MAP3K13: variants seen among roughly 807,000 people sequenced by gnomAD.
The protein encoded by MAP3K13 is leucine zipper-bearing kinase.
A neutral mutation model predicts 104.0 loss-of-function variants in MAP3K13; 52 were observed. The ratio of observed to expected loss-of-function variants is 0.50; its 90% CI spans 0.40 to 0.63. The LOEUF is 0.63. MAP3K13 is among the 20% of genes least tolerant of loss of function. MAP3K13 has a pLI of 0.00. For missense variants in MAP3K13, 914 were observed against 1,218.5 expected, an observed-to-expected ratio of 0.75 and a Z score of 3.72; for synonymous variants, 394 against 442.2, an observed-to-expected ratio of 0.89 and a Z score of 1.37.
intron 1 of MAP3K13, among the ~76,000 whole-genome samples, chr3:185,408,634 A>C (rs1054463018): frequency 9.2e-5 from 14 of 152,198 alleles, no homozygotes; most frequent in Middle Eastern, 3.2e-3. Context: ...AGGGAGGTTT[A>C]GTATATCCTG....
chr3:185,394,871 A>G (rs4687299), intron 1 of MAP3K13, among the ~76,000 whole-genome samples: 106,715 of 151,898 alleles, frequency 0.7, 38,082 homozygotes, highest in Non-Finnish European at 0.77. Context: ...AAGTTATTTA[A>G]CCTCTCTGTA....
At chr3:185,458,088 G>A (rs1307433784) in intron 7 of MAP3K13, among the ~76,000 whole-genome samples, 2 of 152,108 alleles carry the variant, frequency 1.3e-5, no homozygotes, top group Non-Finnish European at 2.9e-5. Flanking sequence ...ATTATTCTTG[G>A]CTGGCCACAG....
chr3:185,305,262 T>C (rs1577408093), intron 2 of MAP3K13, among the ~76,000 whole-genome samples: 1 of 152,298 alleles, frequency 6.6e-6, no homozygotes, highest in South Asian at 2.1e-4. Context: ...CCTTTCTCAC[T>C]TTCTCTCGTG....
In MAP3K13 at chr3:185,480,499, C is replaced by A. The variant is rs368737907; in HGVS notation, c.2769C>A (p.Gly923=). The A allele has an allele frequency of 4.3e-6, 7 of 1,614,070 alleles. No homozygotes were observed. The African/African-American group carries it at 5.3e-5, about 12-fold the overall frequency. ...GTGTGAAGACTCAGATGTCTCTGGG[C>A]AAGCTGTGTGTGGAGGAACGTGGCT... is the stretch of plus-strand genomic sequence containing the variant. The part of the protein sequence containing the change: ...VRRVKTQMSL[G]KLCVEERGYE... The change falls in exon 13 of 14, where the codon GGC becomes GGA. Residue 923 remains glycine (G), a synonymous_variant. Coordinates refer to ENST00000265026, the MANE Select transcript of MAP3K13 (RefSeq NM_004721.5).
intron 2 of MAP3K13, chr3:185,291,592 GTGTTT>G (rs1720741610): frequency 3.3e-6 from 5 of 1,497,864 alleles, no homozygotes; most frequent in Non-Finnish European, 4.4e-6. Context: ...GAATTTTTTT[GTGTTT>G]TGTTTTGTTT....
chr3:185,418,307 C>A lies in MAP3K13; in HGVS notation c.-85-10190C>A. ...TCCTTGGTCTTCTTGTAGCCTTCAA[C>A]TTTATCTTCAAATACCAAAGGAAGT... On this transcript the variant is annotated intron_variant, in intron 1 of 13. Transcript: ENST00000265026. This position sits in a 1 kb window ranked among gnomAD's most constrained non-coding sequence, Gnocchi z 4.5. 6.3e-7 allele frequency: 1 copy of A among 1,583,486 alleles called. No homozygotes were observed. Among genetic ancestry groups the A allele is most frequent in the Non-Finnish European group, 8.7e-7 (1 of 1,153,948 alleles).
At chr3:185,454,649 T>A (rs1284607077) in intron 7 of MAP3K13, among the ~76,000 whole-genome samples, 1 of 93,342 alleles carries the variant, frequency 1.1e-5, no homozygotes, top group South Asian at 3.2e-4. Flanking sequence ...GATATATATA[T>A]GATATATATA....
intron 7 of MAP3K13, among the ~76,000 whole-genome samples, chr3:185,453,897 C>A (rs1293202354): frequency 1.6e-5 from 1 of 63,796 alleles, no homozygotes; most frequent in African/African-American, 5.4e-5. Flanking sequence ...ATATGTGATA[C>A]ATATATATGA....
At chr3:185,330,617 T>C (rs977634686) in intron 2 of MAP3K13, among the ~76,000 whole-genome samples, 2 of 152,094 alleles carry the variant, frequency 1.3e-5, no homozygotes, top group African/African-American at 4.8e-5. Context: ...GCAGGTAACA[T>C]TGTTACTAGG....
At position 185,466,896 on chromosome 3, in the gene MAP3K13, C is replaced by A. The variant is rs372997179; in HGVS notation, c.1576C>A (p.Pro526Thr). Residue 526 changes from proline to threonine, a missense_variant, in exon 10 of 14, where the codon CCC becomes ACC. This residue lies in a region of MAP3K13 where 583 missense variants were observed against 737.4 expected (regional missense o/e 0.79). Coordinates refer to ENST00000265026, the MANE Select transcript of MAP3K13 (RefSeq NM_004721.5). ...ACACCCTGTTCGTCCTATCATCCAT[C>A]CCAATGCCATGGAGAAACTCATGAA... ...KRHPVRPIIH[P>T]NAMEKLMKRK... 1.2e-6 allele frequency: 2 copies of A among 1,613,846 alleles called. No individual in the cohort carries two copies. The highest frequency in any genetic ancestry group is 1.7e-5 in the Admixed American group (1 of 59,998).
rs374398536 is a variant in MAP3K13, at chr3:185,473,413, G to A, written c.2082G>A (p.Ser694=). The stretch of plus-strand genomic sequence containing the variant: ...ATGCTCAGAGACAGCTGCCCGGCTC[G>A]AGCCCTGACCTCATCTCCACAGCCA... The part of the protein sequence containing the change: ...SNHAQRQLPG[S]SPDLISTAMA... Residue 694 remains serine (S), a synonymous_variant, in exon 11 of 14, where the codon TCG becomes TCA. Coordinates refer to ENST00000265026, the MANE Select transcript of MAP3K13 (RefSeq NM_004721.5). This position sits in a 1 kb window ranked among gnomAD's most constrained non-coding sequence, Gnocchi z 4.9. 15 of 1,614,048 alleles carry A rather than the reference G, an allele frequency of 9.3e-6. No individual in the cohort carries two copies. The highest frequency in any genetic ancestry group is 2.7e-5 in the African/African-American group (2 of 74,928).
At chr3:185,422,524 A>C (rs571166778) in intron 1 of MAP3K13, among the ~76,000 whole-genome samples, 1 of 152,348 alleles carries the variant, frequency 6.6e-6, no homozygotes, top group East Asian at 1.9e-4. Context: ...AGATAGGAAA[A>C]AAATTACAAA....
chr3:185,287,245 C>G (rs934039510), intron 2 of MAP3K13, among the ~76,000 whole-genome samples: 1 of 152,110 alleles, frequency 6.6e-6, no homozygotes, highest in Admixed American at 6.6e-5. Flanking sequence ...TGGCATAGTT[C>G]TGAACTTCAC....
intron 10 of MAP3K13, among the ~76,000 whole-genome samples, chr3:185,470,907 C>T (rs1344660967): frequency 6.6e-6 from 1 of 152,190 alleles, no homozygotes; most frequent in Non-Finnish European, 1.5e-5. Context: ...TTTAATTCAT[C>T]CCTAAAGAAC....
chr3:185,361,699 T>C (rs6804066), upstream of MAP3K13, among the ~76,000 whole-genome samples: 127,911 of 152,238 alleles, frequency 0.84, 54,398 homozygotes, highest in Non-Finnish European at 0.91. Flanking sequence ...CACCGTGCCT[T>C]GCATGTTCGT....
chr3:185,356,384 G>A lies in MAP3K13; in HGVS notation c.-86+70741G>A, dbSNP rs551568572. On this transcript the variant is annotated intron_variant, in intron 2 of 14. Coordinates refer to the MAP3K13 transcript ENST00000424227. Reference sequence around the variant, plus strand: ...CTTTATCAAACTTGTTTGTTTGTGTGTTTTTTAAAGGGAGTAAGGAGGGAG... The same window carrying A: ...CTTTATCAAACTTGTTTGTTTGTGTATTTTTTAAAGGGAGTAAGGAGGGAG... Among the ~76,000 whole-genome samples, 36 of 152,306 alleles carry A rather than the reference G, an allele frequency of 2.4e-4. No individual in the cohort carries two copies. In the South Asian group the frequency reaches 5.0e-3, roughly 21 times the overall value.
rs551440253 is a variant in MAP3K13 at position 185,351,004 on chromosome 3, G to A, written c.-86+65361G>A. ...ACTAGATAAAGAAAATGTGGTACAT[G>A]TACACCATGGAATACTACACAGCCA... On this transcript the variant is annotated intron_variant, in intron 2 of 14. Coordinates refer to the MAP3K13 transcript ENST00000424227. Among the ~76,000 whole-genome samples the A allele has an allele frequency of 6.6e-5, 10 of 152,230 alleles. No homozygotes were observed. In the South Asian group the frequency reaches 2.1e-3, roughly 32 times the overall value.
chr3:185,437,584 A>G lies in MAP3K13; in HGVS notation c.613A>G (p.Ile205Val), dbSNP rs370313918. 3.7e-6 allele frequency: 6 copies of G among 1,613,732 alleles called. No homozygotes were observed. Among genetic ancestry groups the G allele is most frequent in the Non-Finnish European group, 2.5e-6 (3 of 1,179,926 alleles). ...AGTGAGAGAACAGAATGAGACGGAT[A>G]TCAAGCATTTGAGGAAGTTGAAGCA... ...KKVREQNETD[I>V]KHLRKLKHPN... Residue 205 changes from isoleucine to valine, a missense_variant, in exon 3 of 14, where the codon ATC becomes GTC. By Grantham distance (29) the Ile-to-Val change is conservative. Transcript: ENST00000265026.
intron 7 of MAP3K13, among the ~76,000 whole-genome samples, chr3:185,455,223 T>A (rs889581227): frequency 1.3e-4 from 3 of 23,206 alleles, no homozygotes; most frequent in African/African-American, 3.3e-4. Context: ...GATATATATA[T>A]GATATATATG....
Sources: allele counts gnomAD v4.1 joint callset (sites outside exome capture counted in the v4.1 genomes callset), GRCh38; gene constraint gnomAD v4.1.1; regional missense constraint gnomAD v4.1.1; non-coding constraint Gnocchi (gnomAD v3.1); transcripts MANE v1.5; gene names NCBI Gene and HGNC (gene_info 2026-07-23, HGNC 2026-07-21).